The following RAPGEF1 variants were observed in gnomAD, a reference collection of about 807,000 sequenced individuals.
RAPGEF1 encodes the protein CRK SH3-binding GNRP.
In RAPGEF1, 33 loss-of-function variants were observed where a neutral mutation model predicts 143.3. That is an observed-to-expected ratio of 0.23 (90% CI 0.17 to 0.31). The LOEUF is 0.31. Ranked by LOEUF, RAPGEF1 falls within the 10% of genes least tolerant of loss-of-function variation. The pLI is 1.00. For missense variants in RAPGEF1, 1,199 were observed against 1,645.4 expected, an observed-to-expected ratio of 0.73 and a Z score of 4.69; for synonymous variants, 629 against 676.5, an observed-to-expected ratio of 0.93 and a Z score of 1.09.
chr9:131,579,676 G>T, intron 26 of RAPGEF1, 29 bp from the exon 27 acceptor site: 1 of 1,609,938 alleles, frequency 6.2e-7, no homozygotes, highest in South Asian at 1.1e-5. Flanking sequence ...AGCAGTCAGT[G>T]AGCACCTGTG....
At chr9:131,601,784 G>A (rs576197130) in intron 15 of RAPGEF1, among the ~76,000 whole-genome samples, 3 of 152,298 alleles carry the variant, frequency 2.0e-5, no homozygotes, top group South Asian at 4.1e-4. Context: ...CTGCATGCCT[G>A]TAGTCCCAGC....
At chr9:131,692,739 G>A (rs534073219) in intron 1 of RAPGEF1, among the ~76,000 whole-genome samples, 60 of 152,136 alleles carry the variant, frequency 3.9e-4, no homozygotes, top group Non-Finnish European at 7.8e-4. Flanking sequence ...CTACATTGCC[G>A]GAATTGCACA....
intron 14 of RAPGEF1, among the ~76,000 whole-genome samples, chr9:131,602,369 C>T (rs1241158223): frequency 2.0e-5 from 3 of 152,206 alleles, no homozygotes; most frequent in African/African-American, 4.8e-5. Flanking sequence ...CACTATTTGT[C>T]TCATCTGTAA....
At chr9:131,732,740 G>A (rs1017217518) in intron 1 of RAPGEF1, among the ~76,000 whole-genome samples, 3 of 152,142 alleles carry the variant, frequency 2.0e-5, no homozygotes, top group African/African-American at 7.2e-5. Flanking sequence ...TTGAGACTTG[G>A]AACCAGAAAC....
At chr9:131,709,983 C>T (rs913871822) in intron 1 of RAPGEF1, 5 of 975,338 alleles carry the variant, frequency 5.1e-6, no homozygotes, top group African/African-American at 1.8e-5. Flanking sequence ...ATCCTTTTGA[C>T]ACTTTATTAC....
At chr9:131,685,370 G>T (rs1020382027) in intron 1 of RAPGEF1, among the ~76,000 whole-genome samples, 4 of 152,242 alleles carry the variant, frequency 2.6e-5, no homozygotes. Context: ...AATCTCTGCA[G>T]CACTGGGACA....
intron 1 of RAPGEF1, chr9:131,737,309 C>T (rs1411876813): frequency 6.3e-7 from 1 of 1,587,166 alleles, no homozygotes; most frequent in Non-Finnish European, 8.6e-7. Flanking sequence ...CTGTCTCCAC[C>T]AGGTATATAT....
chr9:131,601,721 C>G (rs1171203332), intron 15 of RAPGEF1, among the ~76,000 whole-genome samples: 1 of 152,064 alleles, frequency 6.6e-6, no homozygotes, highest in Non-Finnish European at 1.5e-5. Context: ...TCCTAGGCAA[C>G]ATAGCGAGAC....
At position 131,580,413 on chromosome 9, in the gene RAPGEF1, C is replaced by A. The variant is rs191006203; in HGVS notation, c.3513-22G>T. Reference sequence around the variant, plus strand: ...CCCCCTGGGAGGACGGGTTAGGCAGCCTGTTACTGCTACGGGGTTTGGAAG... The same window carrying A: ...CCCCCTGGGAGGACGGGTTAGGCAGACTGTTACTGCTACGGGGTTTGGAAG... On this transcript the variant is annotated intron_variant, in intron 25 of 26. Coordinates refer to ENST00000683357, the MANE Select transcript of RAPGEF1 (RefSeq NM_001377935.1). The A allele has an allele frequency of 7.5e-4, 1,208 of 1,609,824 alleles. 14 individuals are homozygous for A. The African/African-American group carries it at 0.015, about 20-fold the overall frequency.
chr9:131,692,651 T>G (rs1018141578), intron 1 of RAPGEF1, among the ~76,000 whole-genome samples: 2 of 152,196 alleles, frequency 1.3e-5, no homozygotes, highest in Non-Finnish European at 2.9e-5. Context: ...CAGAACAAGA[T>G]TCTTTATCAT....
intron 1 of RAPGEF1, among the ~76,000 whole-genome samples, chr9:131,693,287 A>G (rs1272239085): frequency 2.0e-5 from 3 of 152,208 alleles, no homozygotes; most frequent in Non-Finnish European, 4.4e-5. Context: ...TGAGAGCATG[A>G]CAAAAAGGGA....
chr9:131,686,564 G>C (rs1833367420), intron 1 of RAPGEF1, among the ~76,000 whole-genome samples: 1 of 152,230 alleles, frequency 6.6e-6, no homozygotes, highest in Admixed American at 6.5e-5. Flanking sequence ...TCCACAAGAT[G>C]CTGGGTTCCC....
At chr9:131,730,355 T>C (rs940365163) in intron 1 of RAPGEF1, among the ~76,000 whole-genome samples, 5 of 151,596 alleles carry the variant, frequency 3.3e-5, no homozygotes, top group African/African-American at 1.2e-4. Flanking sequence ...CCTCAATAAG[T>C]CCACCCCACA....
At chr9:131,629,837 C>A (rs755739935) in intron 6 of RAPGEF1, among the ~76,000 whole-genome samples, 2 of 151,994 alleles carry the variant, frequency 1.3e-5, no homozygotes, top group Non-Finnish European at 2.9e-5. Context: ...TTACCAGGAG[C>A]TTGGAGTAGA....
chr9:131,635,346 T>C (rs1244704897), intron 5 of RAPGEF1, among the ~76,000 whole-genome samples: 1 of 151,580 alleles, frequency 6.6e-6, no homozygotes, highest in Non-Finnish European at 1.5e-5. Flanking sequence ...GTTTAAATGA[T>C]AAATGCTACC....
chr9:131,706,676 C>T (rs1027074354), intron 1 of RAPGEF1, among the ~76,000 whole-genome samples: 1 of 152,212 alleles, frequency 6.6e-6, no homozygotes, highest in Non-Finnish European at 1.5e-5. Flanking sequence ...AAGGACCACT[C>T]CCTATCCCTG....
chr9:131,716,004 G>A (rs1187236309), intron 1 of RAPGEF1, among the ~76,000 whole-genome samples: 3 of 152,084 alleles, frequency 2.0e-5, no homozygotes, highest in African/African-American at 7.2e-5. Context: ...CCATTGCAGT[G>A]CTCTCCCACA....
chr9:131,657,649 T>C (rs928845623), intron 1 of RAPGEF1, among the ~76,000 whole-genome samples: 43 of 152,266 alleles, frequency 2.8e-4, no homozygotes, highest in Middle Eastern at 3.4e-3. Context: ...TTGTGGCTGC[T>C]GTGGCTGAGG....
chr9:131,689,143 A>G (rs1833591880), intron 1 of RAPGEF1, among the ~76,000 whole-genome samples: 1 of 152,216 alleles, frequency 6.6e-6, no homozygotes, highest in African/African-American at 2.4e-5. Flanking sequence ...AATGGTTTGA[A>G]ATATAAAGAA....
Sources: allele counts gnomAD v4.1 joint callset (sites outside exome capture counted in the v4.1 genomes callset), GRCh38; gene constraint gnomAD v4.1.1; transcripts MANE v1.5; gene names NCBI Gene and HGNC (gene_info 2026-07-23, HGNC 2026-07-21).